Variants in WWP2 observed in about 807,000 individuals in gnomAD.
WWP2 encodes the protein WW domain containing E3 ubiquitin protein ligase 2, also known as NEDD4-like E3 ubiquitin-protein ligase WWP2.
Under a neutral mutation model 121.0 loss-of-function variants are expected in WWP2, and 57 were observed. The observed-to-expected ratio is 0.47, with a 90% CI of 0.38 to 0.59. The LOEUF is 0.59. Ranked by LOEUF, WWP2 falls within the 20% of genes least tolerant of loss-of-function variation. The pLI is 0.00. For missense variants in WWP2, 962 were observed against 1,158.9 expected (o/e 0.83, Z 2.47); for synonymous variants, 449 against 441.3 (o/e 1.02, Z -0.22).
At chr16:69,769,971 C>T (rs961705779) in intron 1 of WWP2, among the ~76,000 whole-genome samples, 3 of 151,690 alleles carry the variant, frequency 2.0e-5, no homozygotes, top group Admixed American at 6.6e-5. Flanking sequence ...AAGCGATTCC[C>T]GTGCCTCAGC....
At chr16:69,884,828 A>G (rs2057894858) in intron 7 of WWP2, among the ~76,000 whole-genome samples, 1 of 152,230 alleles carries the variant, frequency 6.6e-6, no homozygotes. Flanking sequence ...CTGAACCTCC[A>G]GGAAGCCAAA....
intron 8 of WWP2, among the ~76,000 whole-genome samples, chr16:69,888,581 A>G (rs2057970424): frequency 6.6e-6 from 1 of 152,196 alleles, no homozygotes; most frequent in Admixed American, 6.5e-5. Flanking sequence ...CCTAGAAAAC[A>G]GCTTTTCTCT....
intron 8 of WWP2, among the ~76,000 whole-genome samples, chr16:69,892,962 AT>A: frequency 6.6e-6 from 1 of 152,342 alleles, no homozygotes; most frequent in South Asian, 2.1e-4. Flanking sequence ...CCTGTGTAAT[AT>A]GACCCCACCT....
intron 9 of WWP2, among the ~76,000 whole-genome samples, chr16:69,915,687 C>T (rs1213743636): frequency 6.6e-6 from 1 of 152,048 alleles, no homozygotes; most frequent in African/African-American, 2.4e-5. Flanking sequence ...GGCAAGAGAC[C>T]ATCGTTTTTC....
rs141103692 is a variant in WWP2, at chr16:69,794,067, G to A, written c.71-4615G>A. On this transcript the variant is annotated intron_variant, in intron 2 of 23. Coordinates refer to ENST00000359154, the MANE Select transcript of WWP2 (RefSeq NM_001270454.2). ...TGAATAGCTGGAACTACAGGCGTGC[G>A]CCACCACGCCCGGCTAAGTTTTGTA... Among the ~76,000 whole-genome samples the A allele has an allele frequency of 5.8e-3, 876 of 152,054 alleles. 12 individuals are homozygous for A. Among genetic ancestry groups the A allele is most frequent in the African/African-American group, 0.02 (830 of 41,494 alleles).
intron 7 of WWP2, 79 bp from the exon 8 acceptor site, chr16:69,887,960 A>G: frequency 6.5e-7 from 1 of 1,534,648 alleles, no homozygotes; most frequent in Non-Finnish European, 8.9e-7. Flanking sequence ...ATGTTAGCCT[A>G]TTAAGTGAAA....
chr16:69,777,973 G>A (rs1231393527), intron 1 of WWP2, among the ~76,000 whole-genome samples: 1 of 150,448 alleles, frequency 6.6e-6, no homozygotes, highest in African/African-American at 2.4e-5. Flanking sequence ...AGAAGGCTGA[G>A]GTGAGAGGAT....
chr16:69,895,347 G>T (rs1363417086), intron 8 of WWP2, among the ~76,000 whole-genome samples: 1 of 152,162 alleles, frequency 6.6e-6, no homozygotes, highest in African/African-American at 2.4e-5. Context: ...GTCCTTTTTG[G>T]TTGTTGTTTT....
At chr16:69,885,752 T>G (rs552023532) in intron 7 of WWP2, among the ~76,000 whole-genome samples, 37 of 152,330 alleles carry the variant, frequency 2.4e-4, no homozygotes, top group African/African-American at 8.4e-4. Context: ...TATAGTTTCC[T>G]TAAGTGTTAA....
intron 6 of WWP2, among the ~76,000 whole-genome samples, chr16:69,846,380 A>G (rs1238213174): frequency 1.3e-5 from 2 of 152,200 alleles, no homozygotes; most frequent in Non-Finnish European, 2.9e-5. Flanking sequence ...ATGCAAAGCC[A>G]AACAATACAT....
intron 6 of WWP2, among the ~76,000 whole-genome samples, chr16:69,843,307 A>G (rs1280036017): frequency 2.0e-5 from 3 of 151,998 alleles, no homozygotes; most frequent in African/African-American, 4.8e-5. Flanking sequence ...ACGTAATGTT[A>G]TTTACTGAAA....
At chr16:69,818,118 C>G (rs908886620) in intron 4 of WWP2, among the ~76,000 whole-genome samples, 1 of 150,990 alleles carries the variant, frequency 6.6e-6, no homozygotes, top group African/African-American at 2.4e-5. Context: ...TTTTAACTTA[C>G]CTTAGTCTGT....
At chr16:69,883,235 A>G (rs896598609) in intron 7 of WWP2, among the ~76,000 whole-genome samples, 1 of 151,892 alleles carries the variant, frequency 6.6e-6, no homozygotes, top group Non-Finnish European at 1.5e-5. Context: ...CAGTTTTTCT[A>G]TTTGAAGCCT....
intron 9 of WWP2, chr16:69,909,665 T>C: frequency 1.0e-6 from 1 of 985,364 alleles, no homozygotes; most frequent in Non-Finnish European, 1.2e-6. Flanking sequence ...TGACTTGAAG[T>C]CAAATGAAGT....
rs77148491 is a variant in WWP2 at position 69,872,148 on chromosome 16, C to T, written c.703+217C>T. 7.9e-5 allele frequency among the ~76,000 whole-genome samples: 12 copies of T among 152,262 alleles called. No individual in the cohort carries two copies. In the East Asian group the frequency reaches 9.6e-4, roughly 12 times the overall value. On this transcript the variant is annotated intron_variant, in intron 7 of 23. Transcript: ENST00000359154. ...GCCAAGGTTATTCTCCATATGACTG[C>T]GCTCTTCTAAAATACTCATTTGCAC...
chr16:69,812,161 CTTTTTTT>C (rs1021541952), intron 4 of WWP2, among the ~76,000 whole-genome samples: 1 of 108,438 alleles, frequency 9.2e-6, no homozygotes, highest in Non-Finnish European at 1.8e-5. Context: ...GAGTACAGAC[CTTTTTTT>C]TTTTTTTTTT....
At chr16:69,932,653 CG>C (rs2058733963) in intron 16 of WWP2, among the ~76,000 whole-genome samples, 1 of 152,202 alleles carries the variant, frequency 6.6e-6, no homozygotes, top group Non-Finnish European at 1.5e-5. Context: ...CAGGTGTCCC[CG>C]TGTGGATAAG....
chr16:69,936,759 C>T (rs559707220), intron 19 of WWP2: 1 of 498,618 alleles, frequency 2.0e-6, no homozygotes. Flanking sequence ...CCGAAAGGAT[C>T]TCTGTGGCCT....
Position 69,931,542 on chromosome 16 carries a change from GT to G in WWP2, c.1558del (p.Ser520ProfsTer14). On this transcript the variant is annotated frameshift_variant, in exon 15 of 24. Coordinates refer to ENST00000359154, the MANE Select transcript of WWP2 (RefSeq NM_001270454.2). LOFTEE classifies it high-confidence loss of function. ...NALPSHVKIS[V>X]SRQTLFEDSF... is the part of the protein sequence containing the mutation. ...CCTACCTAGCCACGTGAAGATCAGC[GT>G]TTCCAGGCAGACGCTTTTCGAAGAT... 6.2e-7 allele frequency: 1 copy of G among 1,613,424 alleles called. No homozygotes were observed. Among genetic ancestry groups the G allele is most frequent in the Non-Finnish European group, 8.5e-7 (1 of 1,179,936 alleles).
Sources: allele counts gnomAD v4.1 joint callset (sites outside exome capture counted in the v4.1 genomes callset), GRCh38; gene constraint gnomAD v4.1.1; transcripts MANE v1.5; gene names NCBI Gene and HGNC (gene_info 2026-07-23, HGNC 2026-07-21).